The following PYROXD2 variants were observed in gnomAD, a reference collection of about 807,000 sequenced individuals.
PYROXD2 encodes pyridine nucleotide-disulfide oxidoreductase domain-containing protein 2.
Under a neutral mutation model 71.1 loss-of-function variants are expected in PYROXD2, and 69 were observed. That is an observed-to-expected ratio of 0.97 (90% CI 0.80 to 1.19). The LOEUF (loss-of-function observed/expected upper bound fraction) is 1.19. PYROXD2 is among the 50% of genes most tolerant of loss of function. The probability of loss-of-function intolerance (pLI) is 0.00; values close to 1 mark genes in which losing one functional copy is unlikely to be tolerated. For synonymous variants in PYROXD2, 287 were observed against 302.7 expected (o/e 0.95, Z 0.54); for missense variants, 745 against 748.9 (o/e 0.99, Z 0.06).
rs1487950671 is a variant in PYROXD2 at position 98,397,207 on chromosome 10, CT to C, written c.625+137del. 1.4e-5 allele frequency: 17 copies of C among 1,193,976 alleles called. No individual in the cohort carries two copies. The African/African-American group carries it at 2.3e-4, about 16-fold the overall frequency. 74.0% of individuals were successfully genotyped at this position (1,193,976 alleles called of 1,614,324 possible). A position where few individuals can be genotyped will look rare whatever the true frequency, so the allele number is the denominator to read the frequency against. On this transcript the variant is annotated intron_variant, in intron 6 of 15. Transcript: ENST00000370575. ...CTCAACAAAGTGCTCCAGGCTGCCCCTAATTGATCGCAGCATGTTAACTGAT... is the reference window on the plus strand; with the variant it reads ...CTCAACAAAGTGCTCCAGGCTGCCCCAATTGATCGCAGCATGTTAACTGAT...
chr10:98,407,251 C>A (rs530190349), intron 4 of PYROXD2, among the ~76,000 whole-genome samples: 12 of 152,316 alleles, frequency 7.9e-5, no homozygotes, highest in Non-Finnish European at 1.5e-4. Context: ...GGGCAGAAAT[C>A]GGGCTCATGT....
At chr10:98,395,771 A>T (rs1375187395) in intron 6 of PYROXD2, among the ~76,000 whole-genome samples, 2 of 152,224 alleles carry the variant, frequency 1.3e-5, no homozygotes, top group Non-Finnish European at 2.9e-5. Flanking sequence ...TAATACATTT[A>T]AGCAGTTAGC....
intron 9 of PYROXD2, 133 bp from the exon 10 acceptor site, chr10:98,392,699 C>T (rs1842988226): frequency 1.4e-6 from 2 of 1,430,038 alleles, no homozygotes; most frequent in East Asian, 2.4e-5. Flanking sequence ...CCACCAAGTT[C>T]TGCAGCTTCT....
intron 14 of PYROXD2, among the ~76,000 whole-genome samples, chr10:98,386,924 G>A (rs971139180): frequency 5.9e-5 from 9 of 152,184 alleles, no homozygotes; most frequent in African/African-American, 1.9e-4. Flanking sequence ...AAAGTCAGAT[G>A]GCAGAGCCAG....
chr10:98,403,353 G>T (rs1564806999), intron 4 of PYROXD2, among the ~76,000 whole-genome samples: 1 of 152,220 alleles, frequency 6.6e-6, no homozygotes, highest in African/African-American at 2.4e-5. Context: ...AACCGCTGCA[G>T]CGGCGGCCTA....
chr10:98,410,744 A>T, intron 2 of PYROXD2, 195 bp downstream of exon 2: 1 of 727,080 alleles, frequency 1.4e-6, no homozygotes, highest in Non-Finnish European at 2.2e-6. Context: ...GGAGCCTGTG[A>T]TGTCCACAGC....
intron 4 of PYROXD2, among the ~76,000 whole-genome samples, chr10:98,406,064 C>A (rs1222824743): frequency 1.3e-5 from 2 of 152,208 alleles, no homozygotes; most frequent in African/African-American, 4.8e-5. Context: ...TCCAGGCTGT[C>A]AATGTCCTGT....
intron 8 of PYROXD2, among the ~76,000 whole-genome samples, chr10:98,393,307 A>T (rs1843015869): frequency 6.6e-6 from 1 of 152,114 alleles, no homozygotes; most frequent in Non-Finnish European, 1.5e-5. Flanking sequence ...TACCACAAAG[A>T]AGGCAACGAT....
rs1564810114 is a variant in PYROXD2, at chr10:98,407,640, C to CG, written c.256dup (p.Arg86ProfsTer16). On this transcript the variant is annotated frameshift_variant, in exon 4 of 16. Transcript: ENST00000370575. LOFTEE classifies it high-confidence loss of function. ...CAGCAGGCTGAGCAGGTAGGACGCG[C>CG]GGGAGAACTTAAACCCTGAAACCGA... 6.2e-7 allele frequency: 1 copy of CG among 1,613,922 alleles called. No homozygotes were observed. Among genetic ancestry groups the CG allele is most frequent in the South Asian group, 1.1e-5 (1 of 91,074 alleles).
At chr10:98,394,072 C>T (rs565287445) in intron 8 of PYROXD2, among the ~76,000 whole-genome samples, 1 of 152,282 alleles carries the variant, frequency 6.6e-6, no homozygotes, top group Non-Finnish European at 1.5e-5. Flanking sequence ...CCCGGCTGCT[C>T]CTCCTAGCAT....
chr10:98,388,124 T>G, intron 13 of PYROXD2: 1 of 556,718 alleles, frequency 1.8e-6, no homozygotes, highest in Non-Finnish European at 3.2e-6. Flanking sequence ...CTCCATCCCT[T>G]GCTAGACTGT....
intron 2 of PYROXD2, chr10:98,410,607 T>C: frequency 2.8e-6 from 1 of 355,658 alleles, no homozygotes; most frequent in Non-Finnish European, 5.1e-6. Context: ...ATCCCCTGGT[T>C]CCCACCTGCT....
In PYROXD2 at chr10:98,383,598, G is replaced by T; in HGVS notation, c.*200C>A. ...ATGAAATATTAGTTTTAATAAAACAGAACCAGTCCATGTATGGAGGCATGG... is the reference window on the plus strand; with the variant it reads ...ATGAAATATTAGTTTTAATAAAACATAACCAGTCCATGTATGGAGGCATGG... On this transcript the variant is annotated 3_prime_UTR_variant, in exon 16 of 16. Transcript: ENST00000370575. The T allele has an allele frequency of 1.6e-6, 1 of 628,014 alleles. No homozygotes were observed. Among genetic ancestry groups the T allele is most frequent in the East Asian group, 2.7e-5 (1 of 37,598 alleles). 38.9% of individuals were successfully genotyped at this position (628,014 alleles called of 1,614,324 possible).
intron 14 of PYROXD2, among the ~76,000 whole-genome samples, 177 bp downstream of exon 14, chr10:98,387,024 C>T (rs902999342): frequency 1.3e-5 from 2 of 152,160 alleles, no homozygotes; most frequent in African/African-American, 4.8e-5. Context: ...CTAGGGATCC[C>T]CCATTCCCTC....
chr10:98,411,683 C>T (rs10748730), intron 1 of PYROXD2: 54,891 of 152,004 alleles, frequency 0.36, 11,048 homozygotes, highest in African/African-American at 0.53. Flanking sequence ...GCAAGTGCCT[C>T]TCCAGCTCTG....
intron 1 of PYROXD2, 65 bp downstream of exon 1, chr10:98,414,944 C>A (rs1564815960): frequency 1.3e-6 from 2 of 1,565,164 alleles, no homozygotes; most frequent in African/African-American, 1.4e-5. Flanking sequence ...CCCCTCCCCA[C>A]CAAGCTCTGA....
At chr10:98,401,964 A>G (rs1843428226) in intron 4 of PYROXD2, among the ~76,000 whole-genome samples, 1 of 152,268 alleles carries the variant, frequency 6.6e-6, no homozygotes, top group Non-Finnish European at 1.5e-5. Flanking sequence ...TAAATACATT[A>G]GCCAGTGACA....
intron 4 of PYROXD2, among the ~76,000 whole-genome samples, chr10:98,401,262 AAAAAC>A (rs1235796698): frequency 6.1e-5 from 9 of 147,184 alleles, no homozygotes; most frequent in African/African-American, 1.8e-4. Flanking sequence ...TCAAAAAAAA[AAAAAC>A]AAAAAAAAAC....
At position 98,415,084 on chromosome 10, in the gene PYROXD2, G is replaced by T. The variant is rs117431460; in HGVS notation, c.52C>A (p.Pro18Thr). 11 of 1,614,002 alleles carry T rather than the reference G, an allele frequency of 6.8e-6. No individual in the cohort carries two copies. The highest frequency in any genetic ancestry group is 1.3e-5 in the African/African-American group (1 of 75,068). Residue 18 changes from proline (P) to threonine (T), a missense_variant, in exon 1 of 16, where the codon CCG becomes ACG. Physicochemically the swap from Pro to Thr is conservative, Grantham distance 38. Transcript: ENST00000370575. The stretch of plus-strand genomic sequence containing the variant: ...TCCGTGTTATCTCGTCTCCACGCCG[G>T]GAAGGGAGAGGCGGCCACAGCCTTG... ...LCKAVAASPF[P>T]AWRRDNTEAR...
Sources: allele counts gnomAD v4.1 joint callset (sites outside exome capture counted in the v4.1 genomes callset), GRCh38; gene constraint gnomAD v4.1.1; transcripts MANE v1.5; gene names NCBI Gene and HGNC (gene_info 2026-07-23, HGNC 2026-07-21).